The following SERPINI1 variants were observed in gnomAD, a reference collection of about 807,000 sequenced individuals.
SERPINI1 encodes serpin family I member 1.
SERPINI1 carries 19 observed loss-of-function variants against 41.1 expected under a neutral mutation model. The observed-to-expected ratio is 0.46, with a 90% CI of 0.32 to 0.68. The LOEUF is 0.68. Among genes scored for constraint, SERPINI1 ranks in the 30% least tolerant of loss-of-function variants. The pLI, the probability that SERPINI1 is intolerant of heterozygous loss-of-function variation, is 0.03. For missense variants in SERPINI1, 460 were observed against 479.2 expected (o/e 0.96, Z 0.37); for synonymous variants, 138 against 156.6 (o/e 0.88, Z 0.89).
At chr3:167,761,145 T>C (rs150378956) in intron 1 of SERPINI1, among the ~76,000 whole-genome samples, 29 of 152,294 alleles carry the variant, frequency 1.9e-4, no homozygotes, top group Non-Finnish European at 3.2e-4. Context: ...TTAATACATT[T>C]GGGATTGCAG....
chr3:167,769,798 T>G (rs942310934), intron 1 of SERPINI1, among the ~76,000 whole-genome samples: 1 of 152,152 alleles, frequency 6.6e-6, no homozygotes, highest in Non-Finnish European at 1.5e-5. Flanking sequence ...TGTTTTTACC[T>G]GTTTAAAAGC....
At chr3:167,770,544 A>G (rs1029686580) in intron 1 of SERPINI1, among the ~76,000 whole-genome samples, 1 of 152,068 alleles carries the variant, frequency 6.6e-6, no homozygotes, top group Admixed American at 6.5e-5. Flanking sequence ...TTTTTTCTAC[A>G]TAAACTTTAA....
In SERPINI1 at chr3:167,825,311, C is replaced by A. The variant is rs149238028; in HGVS notation, c.1221C>A (p.Phe407Leu). The A allele has an allele frequency of 7.5e-6, 12 of 1,610,018 alleles. No individual in the cohort carries two copies. The highest frequency in any genetic ancestry group is 4.0e-5 in the African/African-American group (3 of 74,738). Residue 407 changes from phenylalanine to leucine, a missense_variant, in exon 9 of 9, where the codon TTC becomes TTA. Phe to Leu is a conservative substitution (Grantham distance 22). Transcript: ENST00000446050. The stretch of plus-strand genomic sequence containing the variant: ...CAATGAACACAAGTGGACATGATTT[C>A]GAAGAACTTTAAGTTACTTTATTTG... ...PETMNTSGHD[F>L]EEL is the part of the protein sequence containing the mutation.
At chr3:167,788,455 C>T (rs1215443446) in intron 1 of SERPINI1, among the ~76,000 whole-genome samples, 2 of 152,176 alleles carry the variant, frequency 1.3e-5, no homozygotes, top group Non-Finnish European at 2.9e-5. Flanking sequence ...GCCTCATTCT[C>T]AACTTTGGTA....
intron 1 of SERPINI1, among the ~76,000 whole-genome samples, chr3:167,763,606 C>T (rs1329025847): frequency 6.6e-6 from 1 of 152,156 alleles, no homozygotes; most frequent in African/African-American, 2.4e-5. Context: ...TGCTATACCA[C>T]GATTTTACTG....
At chr3:167,746,527 T>C (rs1236177007) in intron 1 of SERPINI1, among the ~76,000 whole-genome samples, 1 of 152,186 alleles carries the variant, frequency 6.6e-6, no homozygotes, top group Non-Finnish European at 1.5e-5. Context: ...GAACCTTATA[T>C]GCAGAGCTCA....
At position 167,793,804 on chromosome 3, in the gene SERPINI1, G is replaced by GTATATATATA. The variant is rs372689407; in HGVS notation, c.677-815_677-814insATATATATAT. Among the ~76,000 whole-genome samples the GTATATATATA allele has an allele frequency of 5.4e-3, 791 of 146,330 alleles. 11 individuals are homozygous for GTATATATATA. The highest frequency in any genetic ancestry group is 0.02 in the African/African-American group (761 of 38,852). On this transcript the variant is annotated intron_variant, in intron 4 of 8. Transcript: ENST00000446050. ...ATGTAGATAAAACTATATATACTGT[G>GTATATATATA]TGTATATATATATAGTTCATTTTGG...
intron 3 of SERPINI1, among the ~76,000 whole-genome samples, chr3:167,792,366 C>CATAT (rs34567506): frequency 6.7e-6 from 1 of 149,866 alleles, no homozygotes; most frequent in African/African-American, 2.5e-5. Context: ...TATATACACA[C>CATAT]ATATATATAT....
In SERPINI1 at chr3:167,807,333, G is replaced by T. The variant is rs780530289; in HGVS notation, c.971G>T (p.Gly324Val). The T allele has an allele frequency of 1.4e-5, 23 of 1,596,510 alleles. No homozygotes were observed. The highest frequency in any genetic ancestry group is 1.9e-5 in the Non-Finnish European group (22 of 1,164,690). ...TTCATCAAAGATGCAAATTTGACAGGCCTCTCTGGTAAGAAATAAACACAA... is the reference window on the plus strand; with the variant it reads ...TTCATCAAAGATGCAAATTTGACAGTCCTCTCTGGTAAGAAATAAACACAA... ...EIFIKDANLT[G>V]LSDNKEIFLS... Residue 324 changes from glycine (G) to valine (V), a missense_variant, in exon 6 of 9, where the codon GGC becomes GTC. By Grantham distance (109) the Gly-to-Val change is moderately radical. Coordinates refer to ENST00000446050, the MANE Select transcript of SERPINI1 (RefSeq NM_001122752.2).
At chr3:167,803,560 A>T (rs1560013724) in intron 5 of SERPINI1, among the ~76,000 whole-genome samples, 1 of 152,128 alleles carries the variant, frequency 6.6e-6, no homozygotes, top group Non-Finnish European at 1.5e-5. Flanking sequence ...AATGCTATGA[A>T]ATAGGTATTA....
chr3:167,751,722 C>T (rs952396865), intron 1 of SERPINI1, among the ~76,000 whole-genome samples: 2 of 151,630 alleles, frequency 1.3e-5, no homozygotes, highest in Admixed American at 6.6e-5. Flanking sequence ...TCATATGCAG[C>T]GTTATGTATG....
At chr3:167,812,571 C>T (rs1441877387) in intron 6 of SERPINI1, among the ~76,000 whole-genome samples, 2 of 152,180 alleles carry the variant, frequency 1.3e-5, no homozygotes, top group Non-Finnish European at 2.9e-5. Context: ...CTTTTTATCT[C>T]ATATTATTGT....
In SERPINI1 at chr3:167,812,908, G is replaced by C. The variant is rs1313177711; in HGVS notation, c.979+5567G>C. ...CAGCGAGGATCCTGTTATAGAGAAG[G>C]TCTATTTTTGTAATGGAAATGGATG... is the stretch of plus-strand genomic sequence containing the variant. On this transcript the variant is annotated intron_variant, in intron 6 of 8. Coordinates refer to ENST00000446050, the MANE Select transcript of SERPINI1 (RefSeq NM_001122752.2). Among the ~76,000 whole-genome samples the C allele has an allele frequency of 2.0e-5, 3 of 152,262 alleles. No individual in the cohort carries two copies. In the South Asian group the frequency reaches 6.2e-4, roughly 32 times the overall value.
At chr3:167,763,428 C>T (rs1383832762) in intron 1 of SERPINI1, among the ~76,000 whole-genome samples, 1 of 151,570 alleles carries the variant, frequency 6.6e-6, no homozygotes, top group African/African-American at 2.4e-5. Flanking sequence ...CACCCAGGCT[C>T]AAGTGTAGCG....
At chr3:167,768,109 C>G (rs1726624962) in intron 1 of SERPINI1, among the ~76,000 whole-genome samples, 1 of 152,108 alleles carries the variant, frequency 6.6e-6, no homozygotes, top group Non-Finnish European at 1.5e-5. Flanking sequence ...TTGTGAGAGT[C>G]CATAGATGTG....
intron 6 of SERPINI1, among the ~76,000 whole-genome samples, chr3:167,818,352 A>C (rs1029079636): frequency 3.3e-5 from 5 of 152,186 alleles, no homozygotes; most frequent in African/African-American, 4.8e-5. Flanking sequence ...TTATTTGTGG[A>C]GAAAGGTTCA....
chr3:167,757,752 C>G (rs1353228756), intron 1 of SERPINI1, among the ~76,000 whole-genome samples: 1 of 151,998 alleles, frequency 6.6e-6, no homozygotes, highest in African/African-American at 2.4e-5. Context: ...AATCCCATCT[C>G]TAATACAAAT....
intron 1 of SERPINI1, among the ~76,000 whole-genome samples, chr3:167,756,329 C>T (rs1350864488): frequency 6.6e-6 from 1 of 152,150 alleles, no homozygotes; most frequent in Non-Finnish European, 1.5e-5. Context: ...CAATGTCTCA[C>T]TCTGCTTGCC....
At chr3:167,809,894 C>T (rs898187364) in intron 6 of SERPINI1, among the ~76,000 whole-genome samples, 5 of 151,998 alleles carry the variant, frequency 3.3e-5, no homozygotes, top group Non-Finnish European at 7.4e-5. Flanking sequence ...TCTCAAATAC[C>T]ACCCCATTCA....
Sources: gnomAD v4.1 joint callset for allele counts (sites outside exome capture counted in the v4.1 genomes callset) on GRCh38, gnomAD v4.1.1 for gene constraint, MANE v1.5 for transcripts, NCBI Gene and HGNC (gene_info 2026-07-23, HGNC 2026-07-21) for gene names.